GALNT13: variants seen among roughly 807,000 people sequenced by gnomAD.
GALNT13 encodes the protein polypeptide N-acetylgalactosaminyltransferase 13.
In GALNT13, 28 loss-of-function variants were observed where a neutral mutation model predicts 64.2. The ratio of observed to expected loss-of-function variants is 0.44; its 90% CI spans 0.32 to 0.60. The LOEUF (loss-of-function observed/expected upper bound fraction) is 0.60, where lower values mean the gene tolerates loss of function less well. Ranked by LOEUF, GALNT13 falls within the 20% of genes least tolerant of loss-of-function variation. GALNT13 has a pLI of 0.05. For missense variants in GALNT13, 577 were observed against 669.8 expected (o/e 0.86, Z 1.53); for synonymous variants, 214 against 224.6 (o/e 0.95, Z 0.42).
intron 9 of GALNT13, among the ~76,000 whole-genome samples, chr2:154,373,776 C>T (rs1013693856): frequency 1.2e-4 from 19 of 152,174 alleles, no homozygotes; most frequent in African/African-American, 4.6e-4. Context: ...TTCCCTTGGC[C>T]TTGTAATAGC....
chr2:153,154,629 A>T, the GALNT13 span, among the ~76,000 whole-genome samples: 4 of 152,104 alleles, frequency 2.6e-5, no homozygotes, highest in African/African-American at 9.7e-5. Flanking sequence ...TCAGTTTAAG[A>T]AGCTTTGGGC....
At chr2:153,655,338 T>G in the GALNT13 span, among the ~76,000 whole-genome samples, 1 of 152,160 alleles carries the variant, frequency 6.6e-6, no homozygotes, top group Non-Finnish European at 1.5e-5. Flanking sequence ...GACTTTTAAC[T>G]AAAACGTGAT....
intron 3 of GALNT13, among the ~76,000 whole-genome samples, chr2:154,093,337 T>A (rs1184639426): frequency 1.3e-5 from 2 of 152,026 alleles, no homozygotes; most frequent in Non-Finnish European, 2.9e-5. Context: ...ATATGATTAA[T>A]GTTTGGAGTA....
At chr2:153,263,332 G>A in the GALNT13 span, among the ~76,000 whole-genome samples, 2 of 152,098 alleles carry the variant, frequency 1.3e-5, no homozygotes, top group African/African-American at 4.8e-5. Flanking sequence ...CATGCTTATG[G>A]ATAGGAAGAA....
At chr2:153,253,316 T>A in the GALNT13 span, among the ~76,000 whole-genome samples, 12 of 143,978 alleles carry the variant, frequency 8.3e-5, no homozygotes, top group African/African-American at 3.2e-4. Flanking sequence ...GTACATTGAT[T>A]TTGTATCCTG....
intron 1 of GALNT13, among the ~76,000 whole-genome samples, chr2:153,882,994 A>G (rs1033393673): frequency 2.1e-5 from 3 of 143,322 alleles, no homozygotes; most frequent in Admixed American, 6.9e-5. Flanking sequence ...TGACTTTGCA[A>G]GAAACACACA....
At chr2:153,105,854 A>G in the GALNT13 span, among the ~76,000 whole-genome samples, 4 of 152,200 alleles carry the variant, frequency 2.6e-5, no homozygotes, top group African/African-American at 7.2e-5. Flanking sequence ...CCACTGCTCA[A>G]TGAAATAAAA....
intron 9 of GALNT13, among the ~76,000 whole-genome samples, chr2:154,332,732 A>T (rs1695235202): frequency 6.6e-6 from 1 of 152,092 alleles, no homozygotes; most frequent in African/African-American, 2.4e-5. Flanking sequence ...TCCCAGAGAA[A>T]TGTTACTGAT....
At chr2:154,288,996 G>A (rs1692445262) in intron 8 of GALNT13, among the ~76,000 whole-genome samples, 1 of 152,172 alleles carries the variant, frequency 6.6e-6, no homozygotes, top group African/African-American at 2.4e-5. Flanking sequence ...CACTGCTCTA[G>A]CAAGAGGTTC....
At position 153,969,406 on chromosome 2, in the gene GALNT13, G is replaced by T. The variant is rs1693597222; in HGVS notation, c.142+24767G>T. On this transcript the variant is annotated intron_variant, in intron 3 of 12. Transcript: ENST00000392825. ...TTTAGAAGACTTATTCTCCTTTTAG[G>T]TTGCAATAACACATGATCTCTATTT... 6.6e-5 allele frequency among the ~76,000 whole-genome samples: 10 copies of T among 151,866 alleles called. No individual in the cohort carries two copies. In the South Asian group the frequency reaches 2.1e-3, roughly 31 times the overall value.
chr2:153,611,322 A>G, the GALNT13 span, among the ~76,000 whole-genome samples: 2 of 152,152 alleles, frequency 1.3e-5, no homozygotes, highest in Admixed American at 6.6e-5. Flanking sequence ...TAGGATTTGA[A>G]CTGAGTAAAG....
chr2:154,363,158 A>T, intron 9 of GALNT13, among the ~76,000 whole-genome samples: 1 of 152,000 alleles, frequency 6.6e-6, no homozygotes, highest in African/African-American at 2.4e-5. Context: ...CTCGCACTGT[A>T]TTACCTTTCT....
intron 9 of GALNT13, among the ~76,000 whole-genome samples, chr2:154,346,862 G>A (rs1255628819): frequency 6.6e-6 from 1 of 152,068 alleles, no homozygotes; most frequent in African/African-American, 2.4e-5. Context: ...AAATAGCCAT[G>A]CAAATTACAT....
chr2:154,053,952 C>A (rs1283936665), intron 3 of GALNT13, among the ~76,000 whole-genome samples: 5 of 152,104 alleles, frequency 3.3e-5, no homozygotes, highest in Non-Finnish European at 7.4e-5. Context: ...ATTTTATCTA[C>A]AAATAAACAC....
At chr2:154,065,670 C>T (rs1241160653) in intron 3 of GALNT13, among the ~76,000 whole-genome samples, 1 of 152,164 alleles carries the variant, frequency 6.6e-6, no homozygotes, top group Non-Finnish European at 1.5e-5. Flanking sequence ...TTGGGGTCCC[C>T]CTAATGCAGA....
At chr2:153,996,655 T>C (rs56111597) in intron 3 of GALNT13, among the ~76,000 whole-genome samples, 10,683 of 152,228 alleles carry the variant, frequency 0.07, 442 homozygotes, top group Middle Eastern at 0.13. Context: ...CTGTTTGCTT[T>C]GCAGAAGTTT....
the GALNT13 span, among the ~76,000 whole-genome samples, chr2:153,277,878 T>C: frequency 1.3e-5 from 2 of 150,952 alleles, no homozygotes; most frequent in Non-Finnish European, 3.0e-5. Flanking sequence ...TTTTGGTTTT[T>C]GCTTGTTGAA....
the GALNT13 span, among the ~76,000 whole-genome samples, chr2:153,270,600 C>T: frequency 2.0e-5 from 3 of 152,154 alleles, no homozygotes; most frequent in South Asian, 2.1e-4. Context: ...GTGACTCATG[C>T]CTGTAGTCTC....
At chr2:154,300,463 T>A (rs533656559) in intron 8 of GALNT13, among the ~76,000 whole-genome samples, 2 of 152,244 alleles carry the variant, frequency 1.3e-5, no homozygotes, top group Non-Finnish European at 2.9e-5. Context: ...ATCAGATGTA[T>A]CAAATGAAAA....
Sources: allele counts gnomAD v4.1 joint callset (sites outside exome capture counted in the v4.1 genomes callset), GRCh38; gene constraint gnomAD v4.1.1; transcripts MANE v1.5; gene names NCBI Gene and HGNC (gene_info 2026-07-23, HGNC 2026-07-21).